Variants in LRBA observed in about 807,000 individuals in gnomAD.
The protein encoded by LRBA is lipopolysaccharide-responsive and beige-like anchor protein.
Under a neutral mutation model 330.0 loss-of-function variants are expected in LRBA, and 176 were observed. The ratio of observed to expected loss-of-function variants is 0.53; its 90% CI spans 0.47 to 0.60. The LOEUF (loss-of-function observed/expected upper bound fraction) is 0.60, where lower values mean the gene tolerates loss of function less well. Ranked by LOEUF, LRBA falls within the 20% of genes least tolerant of loss-of-function variation. The pLI is 0.00. For synonymous variants in LRBA, 1,230 were observed against 1,193.0 expected (o/e 1.03, Z -0.64); for missense variants, 3,259 against 3,444.8 (o/e 0.95, Z 1.35).
At chr4:150,599,192 A>T in intron 37 of LRBA, 61 bp from the exon 38 acceptor site, 1 of 1,578,946 alleles carries the variant, frequency 6.3e-7, no homozygotes, top group Non-Finnish European at 8.6e-7. Flanking sequence ...GTAGCACTGA[A>T]TTTCTGCATA....
rs192548819 is a variant in LRBA, at chr4:150,513,031, G to A, written c.6331-21996C>T. 2.2e-3 allele frequency among the ~76,000 whole-genome samples: 340 copies of A among 152,260 alleles called. 6 individuals are homozygous for A. The highest frequency in any genetic ancestry group is 6.3e-4 in the Non-Finnish European group (43 of 68,006). ...GGAAGTAAGTGGCTTATGAGAGACA[G>A]ACAAAATTCAAATGATGTTAAATAC... On this transcript the variant is annotated intron_variant, in intron 40 of 56. Transcript: ENST00000651943.
Position 151,014,593 on chromosome 4 carries a change from T to A in LRBA, c.50A>T (p.Asp17Val), listed in dbSNP as rs1318944382. 4 of 1,611,320 alleles carry A rather than the reference T, an allele frequency of 2.5e-6. No individual in the cohort carries two copies. Among genetic ancestry groups the A allele is most frequent in the Non-Finnish European group, 3.4e-6 (4 of 1,178,630 alleles). Reference sequence around the variant, plus strand: ...TTCTTCTCTCCCTCCACCTCCCCCGTCATCACCTGTTGGTGGCGGGGAAGG... The same window carrying A: ...TTCTTCTCTCCCTCCACCTCCCCCGACATCACCTGTTGGTGGCGGGGAAGG... The part of the protein sequence containing the change: ...RVPSPPPTGD[D>V]GGGGGREETP... Residue 17 changes from aspartate to valine, a missense_variant, in exon 2 of 57, where the codon GAC becomes GTC. Transcript: ENST00000651943.
intron 28 of LRBA, among the ~76,000 whole-genome samples, chr4:150,841,908 A>C (rs1749141458): frequency 6.6e-6 from 1 of 152,050 alleles, no homozygotes; most frequent in African/African-American, 2.4e-5. Context: ...CACCTGCCTC[A>C]GCCTCCCAAA....
chr4:150,445,609 T>C (rs1171154742), intron 44 of LRBA, among the ~76,000 whole-genome samples: 3 of 152,018 alleles, frequency 2.0e-5, no homozygotes, highest in Admixed American at 1.3e-4. Context: ...ATAGTTATTT[T>C]ATTCTGTTTT....
intron 37 of LRBA, among the ~76,000 whole-genome samples, chr4:150,632,002 G>A (rs377551374): frequency 2.0e-5 from 3 of 152,100 alleles, no homozygotes; most frequent in Admixed American, 6.5e-5. Flanking sequence ...AGGCCAAGGC[G>A]GGTAGATCAT....
intron 4 of LRBA, among the ~76,000 whole-genome samples, chr4:150,925,950 G>A (rs1304211709): frequency 6.6e-6 from 1 of 152,100 alleles, no homozygotes; most frequent in African/African-American, 2.4e-5. Context: ...GCAGGAAGAG[G>A]TAGCTCAAGA....
chr4:150,652,550 A>G (rs1485266154), intron 37 of LRBA, among the ~76,000 whole-genome samples: 1 of 152,178 alleles, frequency 6.6e-6, no homozygotes, highest in East Asian at 1.9e-4. Flanking sequence ...TCACATATAC[A>G]TTTTAAAGTT....
chr4:150,987,730 G>A (rs1741620087), intron 2 of LRBA, among the ~76,000 whole-genome samples: 3 of 151,160 alleles, frequency 2.0e-5, no homozygotes, highest in South Asian at 2.1e-4. Flanking sequence ...GGCCAGGCGC[G>A]GTGGCTCACA....
chr4:150,559,761 T>TA (rs1767934486), intron 40 of LRBA, among the ~76,000 whole-genome samples: 1 of 88,312 alleles, frequency 1.1e-5, no homozygotes, highest in Non-Finnish European at 2.0e-5. Context: ...TATAACATTA[T>TA]AGATTATATA....
At chr4:150,697,048 C>T (rs975877959) in intron 36 of LRBA, among the ~76,000 whole-genome samples, 6 of 149,848 alleles carry the variant, frequency 4.0e-5, no homozygotes, top group African/African-American at 1.5e-4. Flanking sequence ...AAAAAAAGGC[C>T]GGGCGCAGTG....
chr4:150,972,164 TAGTAAAGGA>T (rs1739651427), intron 2 of LRBA, among the ~76,000 whole-genome samples: 1 of 152,176 alleles, frequency 6.6e-6, no homozygotes, highest in Non-Finnish European at 1.5e-5. Context: ...CCAAGTTACT[TAGTAAAGGA>T]TTAATCATAA....
rs1469988763 is a variant in LRBA, at chr4:150,893,140, G to A, written c.2077C>T (p.Leu693=). The A allele has an allele frequency of 6.3e-7, 1 of 1,599,436 alleles. No individual in the cohort carries two copies. The highest frequency in any genetic ancestry group is 8.6e-7 in the Non-Finnish European group (1 of 1,169,126). The change falls in exon 17 of 57, where the codon CTA becomes TTA. Residue 693 remains leucine (L), a synonymous_variant. Coordinates refer to ENST00000651943, the MANE Select transcript of LRBA (RefSeq NM_001364905.1). Reference sequence around the variant, plus strand: ...ACAAGCAGCTGTAGGACATCCATTAGATTGTCATCCTATAATCATTTTAGA... The same window carrying A: ...ACAAGCAGCTGTAGGACATCCATTAAATTGTCATCCTATAATCATTTTAGA... The part of the protein sequence containing the change: ...YLLTMHEDDN[L]MDVLQLLVAL...
intron 44 of LRBA, among the ~76,000 whole-genome samples, chr4:150,438,374 T>C (rs1192530194): frequency 6.6e-6 from 1 of 152,100 alleles, no homozygotes; most frequent in Non-Finnish European, 1.5e-5. Context: ...TCCCAGCTAC[T>C]CGGGAGGCTG....
chr4:150,844,998 A>G (rs762538233), intron 26 of LRBA, among the ~76,000 whole-genome samples: 9 of 152,210 alleles, frequency 5.9e-5, no homozygotes, highest in Non-Finnish European at 1.3e-4. Context: ...TTAGGGAGGC[A>G]GTATGGCCTA....
chr4:150,527,772 A>G (rs1314010232), intron 40 of LRBA, among the ~76,000 whole-genome samples: 2 of 152,186 alleles, frequency 1.3e-5, no homozygotes, highest in Non-Finnish European at 2.9e-5. Context: ...TTTCACTTAG[A>G]GCCCACAATG....
At chr4:150,700,119 A>G (rs565742551) in intron 36 of LRBA, among the ~76,000 whole-genome samples, 59 of 152,312 alleles carry the variant, frequency 3.9e-4, no homozygotes, top group African/African-American at 1.2e-3. Flanking sequence ...TCTGGTCCCA[A>G]GCATTCTGGA....
At chr4:150,833,868 A>C (rs750803791) in intron 28 of LRBA, among the ~76,000 whole-genome samples, 2 of 152,216 alleles carry the variant, frequency 1.3e-5, no homozygotes, top group Non-Finnish European at 2.9e-5. Flanking sequence ...ATTCCTCTGA[A>C]ACCCTACAAA....
intron 48 of LRBA, among the ~76,000 whole-genome samples, chr4:150,328,158 T>C (rs1416061168): frequency 1.3e-5 from 2 of 152,166 alleles, no homozygotes; most frequent in African/African-American, 4.8e-5. Flanking sequence ...CTTGCATGTT[T>C]CAGAGAATAG....
intron 29 of LRBA, 141 bp from the exon 30 acceptor site, chr4:150,828,762 G>T: frequency 1.5e-6 from 1 of 670,846 alleles, no homozygotes; most frequent in East Asian, 2.7e-5. Context: ...AACTAATTAC[G>T]TATTCTACAG....
Sources: allele counts gnomAD v4.1 joint callset (sites outside exome capture counted in the v4.1 genomes callset), GRCh38; gene constraint gnomAD v4.1.1; transcripts MANE v1.5; gene names NCBI Gene and HGNC (gene_info 2026-07-23, HGNC 2026-07-21).